DEPDC4: variants seen among roughly 807,000 people sequenced by gnomAD.
The protein encoded by DEPDC4 is DEP domain-containing protein 4.
In DEPDC4, 52 loss-of-function variants were observed where a neutral mutation model predicts 52.0. That is an observed-to-expected ratio of 1.00 (90% CI 0.80 to 1.26). The LOEUF (loss-of-function observed/expected upper bound fraction) is 1.26. Ranked by LOEUF, DEPDC4 falls within the 50% of genes most tolerant of loss-of-function variation. DEPDC4 has a pLI of 0.00. For missense variants in DEPDC4, 530 were observed against 546.9 expected, an observed-to-expected ratio of 0.97 and a Z score of 0.31; for synonymous variants, 201 against 196.8, an observed-to-expected ratio of 1.02 and a Z score of -0.18.
chr12:100,237,026 T>C (rs1345398586), downstream of DEPDC4, among the ~76,000 whole-genome samples: 1 of 152,156 alleles, frequency 6.6e-6, no homozygotes, highest in Non-Finnish European at 1.5e-5. Context: ...TTCTCTATTC[T>C]GTTCCATTGG....
chr12:100,257,763 T>G (rs1008157223), intron 3 of DEPDC4: 15 of 152,286 alleles, frequency 9.8e-5, no homozygotes, highest in African/African-American at 3.6e-4. Flanking sequence ...ATCAATTAGT[T>G]GTAAACACCA....
In DEPDC4 at chr12:100,262,300, T is replaced by C. The variant is rs750087327; in HGVS notation, c.664A>G (p.Thr222Ala). ...NGNPALCPNITVQKPFLRLSK... is the reference protein window; with the variant it reads ...NGNPALCPNIAVQKPFLRLSK... Reference sequence around the variant, plus strand: ...AGCCGGAGAAAAGGTTTCTGAACTGTGATATTTGGACATAAAGCTGGATTC... The same window carrying C: ...AGCCGGAGAAAAGGTTTCTGAACTGCGATATTTGGACATAAAGCTGGATTC... Residue 222 changes from threonine (T) to alanine (A), a missense_variant, in exon 3 of 10, where the codon ACA becomes GCA. Coordinates refer to ENST00000550587, the MANE Select transcript of DEPDC4 (RefSeq NM_001364818.2). 6.2e-6 allele frequency: 10 copies of C among 1,611,766 alleles called. No homozygotes were observed. The African/African-American group carries it at 1.3e-4, about 22-fold the overall frequency.
At position 100,253,778 on chromosome 12, in the gene DEPDC4, A is replaced by G. The variant is rs964182557; in HGVS notation, c.879-63T>C. 9 of 900,634 alleles carry G rather than the reference A, an allele frequency of 1.0e-5. No individual in the cohort carries two copies. In the South Asian group the frequency reaches 1.1e-4, roughly 11 times the overall value. 55.8% of individuals were successfully genotyped at this position (900,634 alleles called of 1,614,324 possible). ...AACATTTCCATTTAACTAAAGCACT[A>G]TTTGATAAAACATGAAAAAATCTGG... is the stretch of plus-strand genomic sequence containing the variant. On this transcript the variant is annotated intron_variant, in intron 4 of 9. Coordinates refer to ENST00000550587, the MANE Select transcript of DEPDC4 (RefSeq NM_001364818.2).
At chr12:100,273,548 A>T in the DEPDC4 span, among the ~76,000 whole-genome samples, 19 of 152,156 alleles carry the variant, frequency 1.2e-4, no homozygotes, top group Non-Finnish European at 2.4e-4. Flanking sequence ...ATGAATTTCC[A>T]TGCCTGTTCT....
At chr12:100,268,438 A>G (rs2096282531), upstream of DEPDC4, among the ~76,000 whole-genome samples, 1 of 152,176 alleles carries the variant, frequency 6.6e-6, no homozygotes, top group Non-Finnish European at 1.5e-5. Flanking sequence ...TTTAGCACAA[A>G]TATTTTTAAA....
At chr12:100,246,622 T>C (rs902740239) in intron 8 of DEPDC4, among the ~76,000 whole-genome samples, 3 of 152,116 alleles carry the variant, frequency 2.0e-5, no homozygotes, top group African/African-American at 7.2e-5. Context: ...TCAGAAGCAT[T>C]TTAAATCAAT....
At chr12:100,265,933 A>G (rs2096270959) in intron 1 of DEPDC4, among the ~76,000 whole-genome samples, 1 of 152,216 alleles carries the variant, frequency 6.6e-6, no homozygotes, top group South Asian at 2.1e-4. Context: ...AAAGTGTACA[A>G]TTCAGTGTTT....
At chr12:100,238,914 T>A (rs546476222), downstream of DEPDC4, among the ~76,000 whole-genome samples, 9 of 152,232 alleles carry the variant, frequency 5.9e-5, no homozygotes, top group Non-Finnish European at 8.8e-5. Context: ...TGGTTCTTAC[T>A]GTGCTTGCGC....
At chr12:100,260,951 TG>T in intron 3 of DEPDC4, among the ~76,000 whole-genome samples, 1 of 151,532 alleles carries the variant, frequency 6.6e-6, no homozygotes, top group Middle Eastern at 3.5e-3. Context: ...GAGGCCAAGG[TG>T]GGTGGATCAC....
In DEPDC4 at chr12:100,252,497, A is replaced by G; in HGVS notation, c.1145T>C (p.Leu382Pro). The change falls in exon 6 of 10, where the codon CTA becomes CCA. Residue 382 changes from leucine (L) to proline (P), a missense_variant. Leu to Pro is a moderately conservative substitution (Grantham distance 98). Transcript: ENST00000550587. ...GTTCAGCAACAGCAATCTTAGATAT[A>G]GTTGTGTTGCTTCAAGTGCTTCTGC... is the stretch of plus-strand genomic sequence containing the variant. ...KRAEALEATQ[L>P]YLRLLLLNIR... 2.5e-6 allele frequency: 4 copies of G among 1,608,958 alleles called. No homozygotes were observed. Among genetic ancestry groups the G allele is most frequent in the Non-Finnish European group, 3.4e-6 (4 of 1,179,452 alleles).
Position 100,252,199 on chromosome 12 carries a change from C to A in DEPDC4, c.1351G>T (p.Glu451Ter). The change falls in exon 7 of 10, where the codon GAG (glutamate) becomes TAG (stop). Residue 451 changes from glutamate to a stop codon, truncating the protein, a stop_gained. Coordinates refer to ENST00000550587, the MANE Select transcript of DEPDC4 (RefSeq NM_001364818.2). LOFTEE classifies it high-confidence loss of function. ...RAEQLVWFPLEYHSELFKTPV... is the reference protein window; with the variant it reads ...RAEQLVWFPL ...ACCTTGAAGAGCTCAGAGTGGTACT[C>A]CAGTGGAAACCAGACCAGTTGTTCT... 1 of 1,271,282 alleles carries A rather than the reference C, an allele frequency of 7.9e-7. No homozygotes were observed. Among genetic ancestry groups the A allele is most frequent in the Non-Finnish European group, 1.0e-6 (1 of 998,464 alleles). 78.8% of individuals were successfully genotyped at this position (1,271,282 alleles called of 1,614,324 possible). A position where few individuals can be genotyped will look rare whatever the true frequency, so the allele number is the denominator to read the frequency against.
the DEPDC4 span, among the ~76,000 whole-genome samples, chr12:100,272,600 G>A: frequency 6.6e-6 from 1 of 152,028 alleles, no homozygotes; most frequent in Admixed American, 6.6e-5. Context: ...TGTCATTCAG[G>A]CAGCTCAAAT....
chr12:100,267,959 AC>A (rs2096281248), upstream of DEPDC4, among the ~76,000 whole-genome samples: 1 of 152,192 alleles, frequency 6.6e-6, no homozygotes, highest in African/African-American at 2.4e-5. Context: ...AAAAAACCCC[AC>A]GGTTACTCCT....
the DEPDC4 span, among the ~76,000 whole-genome samples, chr12:100,281,788 C>T: frequency 6.8e-6 from 1 of 146,828 alleles, no homozygotes; most frequent in African/African-American, 2.5e-5. Context: ...GAGCCAAGTT[C>T]ATGCCACTGC....
At chr12:100,262,833 C>T (rs1276358060) in intron 2 of DEPDC4, among the ~76,000 whole-genome samples, 1 of 152,094 alleles carries the variant, frequency 6.6e-6, no homozygotes, top group Non-Finnish European at 1.5e-5. Flanking sequence ...GAAAACAAAA[C>T]TGTATTTGCT....
chr12:100,244,864 T>A (rs2096178522), intron 8 of DEPDC4, among the ~76,000 whole-genome samples: 1 of 150,722 alleles, frequency 6.6e-6, no homozygotes, highest in Non-Finnish European at 1.5e-5. Flanking sequence ...CTTATTTTAT[T>A]TATTTATTTA....
chr12:100,241,590 G>T lies in DEPDC4; in HGVS notation c.*302C>A. 1.2e-6 allele frequency: 1 copy of T among 813,368 alleles called. No homozygotes were observed. The highest frequency in any genetic ancestry group is 1.6e-6 in the Non-Finnish European group (1 of 635,948). The allele number at this position is 813,368 out of a possible 1,614,324, so 50.4% of individuals were successfully genotyped here. ...AATCCTTTGAGATTATGCTTTCTCT[G>T]AAGTGTAAGTATGGCAATTTGAGAA... On this transcript the variant is annotated 3_prime_UTR_variant, in exon 10 of 10. Transcript: ENST00000550587.
chr12:100,244,326 A>G (rs141634028), intron 8 of DEPDC4, among the ~76,000 whole-genome samples: 1,696 of 149,774 alleles, frequency 0.011, 16 homozygotes, highest in Non-Finnish European at 0.017. Context: ...GACTACAGGC[A>G]CCCGCCACCA....
chr12:100,249,785 G>A (rs1372504124), intron 7 of DEPDC4, among the ~76,000 whole-genome samples: 4 of 152,116 alleles, frequency 2.6e-5, no homozygotes, highest in South Asian at 2.1e-4. Flanking sequence ...GTGATTTAAC[G>A]TTATGTGCCA....
Sources: gnomAD v4.1 joint callset for allele counts (sites outside exome capture counted in the v4.1 genomes callset) on GRCh38, gnomAD v4.1.1 for gene constraint, MANE v1.5 for transcripts, NCBI Gene and HGNC (gene_info 2026-07-23, HGNC 2026-07-21) for gene names.